Variants in NAF1 observed in about 807,000 individuals in gnomAD.
NAF1 encodes the protein H/ACA ribonucleoprotein complex non-core subunit NAF1.
NAF1 carries 11 observed loss-of-function variants against 40.6 expected under a neutral mutation model. The observed-to-expected ratio is 0.27, with a 90% CI of 0.17 to 0.45. The LOEUF is 0.45. Among genes scored for constraint, NAF1 ranks in the 20% least tolerant of loss-of-function variants. The pLI, the probability that NAF1 is intolerant of heterozygous loss-of-function variation, is 1.00. For missense variants in NAF1, 607 were observed against 611.1 expected (o/e 0.99, Z 0.07); for synonymous variants, 260 against 228.5 (o/e 1.14, Z -1.24).
At position 163,166,619 on chromosome 4, in the gene NAF1, C is replaced by T; in HGVS notation, c.109G>A (p.Val37Met). The T allele has an allele frequency of 6.2e-7, 1 of 1,611,330 alleles. No individual in the cohort carries two copies. Among genetic ancestry groups the T allele is most frequent in the Non-Finnish European group, 8.5e-7 (1 of 1,179,490 alleles). ...TGTAGCGGCGGCTGTGTCCCTGGCA[C>T]AGGGGCAGAGCCCGGAGACGGAGCC... Reference protein sequence around the residue: ...PAAPSPGSAPVPGTQPPLQSF... With the variant: ...PAAPSPGSAPMPGTQPPLQSF... Residue 37 changes from valine (V) to methionine (M), a missense_variant, in exon 1 of 8, where the codon GTG becomes ATG. By Grantham distance (21) the Val-to-Met change is conservative (BLOSUM62 1). Transcript: ENST00000274054.
At position 163,140,377 on chromosome 4, in the gene NAF1, C is replaced by T; in HGVS notation, c.724G>A (p.Glu242Lys). Residue 242 changes from glutamate to lysine, a missense_variant, in exon 5 of 8, where the codon GAG becomes AAG. By Grantham distance (56) the Glu-to-Lys change is moderately conservative. Around this residue, in one of 3 missense-constraint regions of NAF1, gnomAD observed 407 missense variants for 365.5 expected, o/e 1.11. Transcript: ENST00000274054. ...GGATGTGCAACAGGTCCAAATATCTCGAATATCTGTAATAGAAACATAAAG... is the reference window on the plus strand; with the variant it reads ...GGATGTGCAACAGGTCCAAATATCTTGAATATCTGTAATAGAAACATAAAG... ...SDRQAAGKIFEIFGPVAHPFY... is the reference protein window; with the variant it reads ...SDRQAAGKIFKIFGPVAHPFY... The T allele has an allele frequency of 6.2e-7, 1 of 1,600,534 alleles. No individual in the cohort carries two copies. The highest frequency in any genetic ancestry group is 8.5e-7 in the Non-Finnish European group (1 of 1,175,446).
At chr4:163,120,330 T>C (rs1384842857) in intron 2 of NAF1, among the ~76,000 whole-genome samples, 1 of 152,234 alleles carries the variant, frequency 6.6e-6, no homozygotes, top group Non-Finnish European at 1.5e-5. Context: ...CCACCATATC[T>C]ATCTATTACG....
downstream of NAF1, among the ~76,000 whole-genome samples, chr4:163,122,403 G>A (rs1730542658): frequency 6.6e-6 from 1 of 152,122 alleles, no homozygotes; most frequent in Admixed American, 6.5e-5. Flanking sequence ...GGAAAAGAAT[G>A]AGAAAGCATT....
chr4:163,123,271 C>T (rs1358158065), downstream of NAF1, among the ~76,000 whole-genome samples: 2 of 152,296 alleles, frequency 1.3e-5, no homozygotes, highest in East Asian at 3.9e-4. Context: ...ACCATGGGGA[C>T]AGCACCAAAC....
At chr4:163,115,660 T>C (rs1730315640) in intron 2 of NAF1, among the ~76,000 whole-genome samples, 1 of 152,224 alleles carries the variant, frequency 6.6e-6, no homozygotes, top group South Asian at 2.1e-4. Context: ...AAATTTTTAT[T>C]GGTAGTTTTT....
rs748027038 is a variant in NAF1, at chr4:163,164,329, G to C, written c.428C>G (p.Ser143Cys). The change falls in exon 2 of 8, where the codon TCT becomes TGT. Residue 143 changes from serine to cysteine, a missense_variant. Around this residue, in one of 3 missense-constraint regions of NAF1, gnomAD observed 407 missense variants for 365.5 expected, o/e 1.11. Coordinates refer to ENST00000274054, the MANE Select transcript of NAF1 (RefSeq NM_138386.3). ...SSSSSSSSSS[S>C]SSCISLPPVL... ...TGGAGGAAGTGATATACAAGAGGAA[G>C]AAGACGACGATGAGGAAGATGAAGA... 6.2e-7 allele frequency: 1 copy of C among 1,601,370 alleles called. No individual in the cohort carries two copies. Among genetic ancestry groups the C allele is most frequent in the Non-Finnish European group, 8.5e-7 (1 of 1,174,784 alleles).
At chr4:163,110,938 A>G (rs1208946912) in intron 2 of NAF1, among the ~76,000 whole-genome samples, 2 of 152,194 alleles carry the variant, frequency 1.3e-5, no homozygotes, top group Non-Finnish European at 2.9e-5. Flanking sequence ...TTCTCCCTCT[A>G]TAATAACTAG....
downstream of NAF1, among the ~76,000 whole-genome samples, chr4:163,125,985 A>AT (rs141852815): frequency 0.052 from 7,950 of 152,288 alleles, 264 homozygotes; most frequent in African/African-American, 0.073. Flanking sequence ...ATGACAGCAC[A>AT]TCTTTTAAAA....
At chr4:163,130,521 A>G (rs1730830264) in intron 7 of NAF1, among the ~76,000 whole-genome samples, 2 of 152,244 alleles carry the variant, frequency 1.3e-5, no homozygotes, top group Non-Finnish European at 1.5e-5. Flanking sequence ...GACGTATTAT[A>G]AAGTTTAAGT....
At chr4:163,150,191 G>A (rs1041876978) in intron 2 of NAF1, among the ~76,000 whole-genome samples, 8 of 152,062 alleles carry the variant, frequency 5.3e-5, no homozygotes, top group Non-Finnish European at 1.2e-4. Context: ...TAATATAATA[G>A]TTATGCTTTG....
At chr4:163,105,886 G>A (rs1337954716), downstream of NAF1, among the ~76,000 whole-genome samples, 1 of 152,168 alleles carries the variant, frequency 6.6e-6, no homozygotes, top group Non-Finnish European at 1.5e-5. Context: ...AACTTCTGCT[G>A]AGAATTAGGC....
At chr4:163,164,472 T>A (rs1732368533) in intron 1 of NAF1, 81 bp from the exon 2 acceptor site, 25 of 1,006,962 alleles carry the variant, frequency 2.5e-5, no homozygotes, top group Non-Finnish European at 3.4e-5. Flanking sequence ...TTAAGAAATA[T>A]CAACTTTAAT....
chr4:163,154,569 A>G (rs1731889984), intron 2 of NAF1, among the ~76,000 whole-genome samples: 1 of 152,182 alleles, frequency 6.6e-6, no homozygotes. Context: ...CTTTTAAATG[A>G]GCATGCTAAG....
chr4:163,147,411 C>T (rs1731513930), intron 3 of NAF1, among the ~76,000 whole-genome samples: 1 of 152,132 alleles, frequency 6.6e-6, no homozygotes, highest in South Asian at 2.1e-4. Context: ...TTTGTCAGTG[C>T]TGAGTTCTAT....
At chr4:163,162,170 TG>T (rs11314388) in intron 2 of NAF1, among the ~76,000 whole-genome samples, 5,124 of 152,268 alleles carry the variant, frequency 0.034, 133 homozygotes, top group Middle Eastern at 0.085. Context: ...GTGGTAAAAC[TG>T]CCAGCCCTGA....
chr4:163,148,334 A>G lies in NAF1; in HGVS notation c.634+7T>C, dbSNP rs369536168. 8 of 1,503,370 alleles carry G rather than the reference A, an allele frequency of 5.3e-6. No individual in the cohort carries two copies. The highest frequency in any genetic ancestry group is 6.3e-6 in the Non-Finnish European group (7 of 1,119,532). The allele number at this position is 1,503,370 out of a possible 1,614,324, so 93.1% of individuals were successfully genotyped here. Reference sequence around the variant, plus strand: ...AACAATTTTTATTAATAGAATTCTTAACATACCTAGTTGTTCAATAATACT... The same window carrying G: ...AACAATTTTTATTAATAGAATTCTTGACATACCTAGTTGTTCAATAATACT... On this transcript the variant is annotated splice_region_variant and intron_variant, in intron 3 of 7. Transcript: ENST00000274054.
At chr4:163,138,676 T>C (rs558851767) in intron 5 of NAF1, among the ~76,000 whole-genome samples, 1 of 152,104 alleles carries the variant, frequency 6.6e-6, no homozygotes, top group African/African-American at 2.4e-5. Context: ...TTCTGCAATA[T>C]AGGTCTAATT....
At chr4:163,126,550 A>C (rs899158753), downstream of NAF1, among the ~76,000 whole-genome samples, 2 of 152,212 alleles carry the variant, frequency 1.3e-5, no homozygotes, top group African/African-American at 4.8e-5. Context: ...CATAAGCAAA[A>C]ATGAGGTTTC....
Position 163,166,423 on chromosome 4 carries a change from G to A in NAF1, c.305C>T (p.Ala102Val). ...GGAGTCCGGCGCCCGCGCAGGCTCT[G>A]CGGCTCCTGGGGAGGTGACGCAGTC... ...CGDCVTSPGAAEPARAPDSLE... is the reference protein window; with the variant it reads ...CGDCVTSPGAVEPARAPDSLE... Residue 102 changes from alanine (A) to valine (V), a missense_variant, in exon 1 of 8, where the codon GCA becomes GTA. Ala to Val is a moderately conservative substitution (Grantham distance 64). This residue lies in a region of NAF1 where 407 missense variants were observed against 365.5 expected (regional missense o/e 1.11). Coordinates refer to ENST00000274054, the MANE Select transcript of NAF1 (RefSeq NM_138386.3). 1.2e-6 allele frequency: 2 copies of A among 1,608,064 alleles called. No homozygotes were observed. Among genetic ancestry groups the A allele is most frequent in the Non-Finnish European group, 1.7e-6 (2 of 1,176,948 alleles).
Sources: gnomAD v4.1 joint callset for allele counts (sites outside exome capture counted in the v4.1 genomes callset) on GRCh38, gnomAD v4.1.1 for gene constraint, gnomAD v4.1.1 regional missense constraint, MANE v1.5 for transcripts, NCBI Gene and HGNC (gene_info 2026-07-23, HGNC 2026-07-21) for gene names.